LRRFIP1: variants seen among roughly 807,000 people sequenced by gnomAD.
LRRFIP1 encodes LRR binding FLII interacting protein 1.
Under a neutral mutation model 104.4 loss-of-function variants are expected in LRRFIP1, and 62 were observed. The observed-to-expected ratio is 0.59, with a 90% CI of 0.48 to 0.73. The LOEUF (loss-of-function observed/expected upper bound fraction) is 0.73, where lower values mean the gene tolerates loss of function less well. LRRFIP1 is among the 30% of genes least tolerant of loss of function. The pLI is 0.00. For synonymous variants in LRRFIP1, 300 were observed against 299.0 expected, an observed-to-expected ratio of 1.00 and a Z score of -0.03; for missense variants, 796 against 824.5, an observed-to-expected ratio of 0.97 and a Z score of 0.42.
At position 237,689,051 on chromosome 2, in the gene LRRFIP1, GA is replaced by G. The variant is rs60153114; in HGVS notation, c.97-19479del. Among the ~76,000 whole-genome samples the G allele has an allele frequency of 7.3e-3, 953 of 130,350 alleles. 15 individuals carry two copies. The highest frequency in any genetic ancestry group is 0.062 in the East Asian group (269 of 4,308). The allele number at this position is 130,350 out of a possible 152,430, so 85.5% of individuals were successfully genotyped here. ...CTCACAATTGACCTTGCTCTACGTT[GA>G]AAAAAAAAAAAAAGACTGGGGGTGG... On this transcript the variant is annotated intron_variant, in intron 1 of 23. Transcript: ENST00000308482.
intron 16 of LRRFIP1, among the ~76,000 whole-genome samples, chr2:237,756,838 G>A (rs1164636541): frequency 6.6e-6 from 1 of 152,226 alleles, no homozygotes; most frequent in African/African-American, 2.4e-5. Flanking sequence ...GGCCCCTGCA[G>A]TTGTGATGAG....
rs368092837 is a variant in LRRFIP1 at position 237,760,225 on chromosome 2, C to A, written c.1459+20C>A. The stretch of plus-strand genomic sequence containing the variant: ...CCCTAGGTAAGTATTTGCTTTCCTT[C>A]GGCTCCTCACACCTTTCCACTCAGC... On this transcript the variant is annotated intron_variant, in intron 19 of 23. Coordinates refer to ENST00000308482, the MANE Select transcript of LRRFIP1 (RefSeq NM_001137550.2). 15 of 1,612,898 alleles carry A rather than the reference C, an allele frequency of 9.3e-6. No homozygotes were observed. In the African/African-American group the frequency reaches 1.9e-4, roughly 20 times the overall value.
chr2:237,735,197 G>A lies in LRRFIP1; in HGVS notation c.490-71G>A, dbSNP rs56245924. The A allele has an allele frequency of 0.02, 27,057 of 1,352,800 alleles. 323 individuals are homozygous for A. The highest frequency in any genetic ancestry group is 0.023 in the Non-Finnish European group (22,027 of 965,626). The allele number at this position is 1,352,800 out of a possible 1,614,324, so 83.8% of individuals were successfully genotyped here. ...CACGTGTCAGTTTTTCACAGCTCAC[G>A]TTTTCAGCACTTTCTGGGCACTCTT... is the stretch of plus-strand genomic sequence containing the variant. On this transcript the variant is annotated intron_variant, in intron 9 of 23. Transcript: ENST00000308482. This position sits in a 1 kb window ranked among gnomAD's most constrained non-coding sequence, Gnocchi z 4.6.
chr2:237,663,715 A>G (rs954598437), intron 1 of LRRFIP1, among the ~76,000 whole-genome samples: 1 of 152,214 alleles, frequency 6.6e-6, no homozygotes, highest in Non-Finnish European at 1.5e-5. Flanking sequence ...TTGCGTTATC[A>G]CTCACAGACA....
At chr2:237,776,454 C>CTTG (rs1379607445) in intron 23 of LRRFIP1, among the ~76,000 whole-genome samples, 1 of 152,210 alleles carries the variant, frequency 6.6e-6, no homozygotes, top group African/African-American at 2.4e-5. Context: ...ACTGATCAAA[C>CTTG]TTGTGAAGTG....
chr2:237,750,308 C>CTT (rs2058425034), intron 13 of LRRFIP1, among the ~76,000 whole-genome samples: 1 of 113,334 alleles, frequency 8.8e-6, no homozygotes. Context: ...TTTCCTTTTT[C>CTT]TTTTCTTTTC....
At chr2:237,741,514 C>T (rs1559748857) in intron 11 of LRRFIP1, among the ~76,000 whole-genome samples, 1 of 152,204 alleles carries the variant, frequency 6.6e-6, no homozygotes, top group Non-Finnish European at 1.5e-5. Context: ...TGTCTTCTCA[C>T]ACTCACTTTT....
At chr2:237,660,916 C>T (rs909933752) in intron 1 of LRRFIP1, among the ~76,000 whole-genome samples, 3 of 152,160 alleles carry the variant, frequency 2.0e-5, no homozygotes, top group African/African-American at 4.8e-5. Flanking sequence ...TATACAGCGT[C>T]GGGACACCTG....
chr2:237,700,772 G>A (rs899101739), intron 1 of LRRFIP1, among the ~76,000 whole-genome samples: 2 of 152,172 alleles, frequency 1.3e-5, no homozygotes, highest in African/African-American at 4.8e-5. Context: ...CTGCACATGA[G>A]CTGTATGCCC....
At chr2:237,770,066 C>G in intron 20 of LRRFIP1, 74 bp downstream of exon 20, 1 of 1,245,220 alleles carries the variant, frequency 8.0e-7, no homozygotes, top group South Asian at 1.3e-5. Flanking sequence ...TTCCTTCTTG[C>G]TTACTCAGAA....
intron 1 of LRRFIP1, among the ~76,000 whole-genome samples, chr2:237,650,973 T>G (rs1559472135): frequency 6.6e-6 from 1 of 152,172 alleles, no homozygotes; most frequent in Non-Finnish European, 1.5e-5. Context: ...GAAATGCGTA[T>G]CGGGTCACTC....
chr2:237,649,293 G>C lies in LRRFIP1; in HGVS notation c.96+21553G>C, dbSNP rs1416083749. ...ACCTGTAATCCCAGCACTTTGGGAG[G>C]CCAGGGCGGGCAGATAACTTGAGGT... is the stretch of plus-strand genomic sequence containing the variant. On this transcript the variant is annotated intron_variant, in intron 1 of 23. Coordinates refer to ENST00000308482, the MANE Select transcript of LRRFIP1 (RefSeq NM_001137550.2). This position sits in a 1 kb window ranked among gnomAD's most constrained non-coding sequence, Gnocchi z 4.1. Among the ~76,000 whole-genome samples, 1 of 151,990 alleles carries C rather than the reference G, an allele frequency of 6.6e-6. No individual in the cohort carries two copies. Among genetic ancestry groups the C allele is most frequent in the Non-Finnish European group, 1.5e-5 (1 of 67,940 alleles).
chr2:237,721,616 G>T (rs2094538339), intron 6 of LRRFIP1: 1 of 152,152 alleles, frequency 6.6e-6, no homozygotes, highest in Admixed American at 6.5e-5. Context: ...AATCCTTAGG[G>T]ACCACATAGA....
rs201955999 is a variant in LRRFIP1, at chr2:237,764,180, G to A, written c.1459+3975G>A. On this transcript the variant is annotated intron_variant, in intron 19 of 23. Transcript: ENST00000308482. Reference sequence around the variant, plus strand: ...CAGGCGCGGTGCACAGGAAGTCTCAGTGTGAAGGGGTCTTTTCTCTCCACT... The same window carrying A: ...CAGGCGCGGTGCACAGGAAGTCTCAATGTGAAGGGGTCTTTTCTCTCCACT... The A allele has an allele frequency of 3.1e-5, 50 of 1,614,046 alleles. No individual in the cohort carries two copies. The East Asian group carries it at 1.0e-3, about 34-fold the overall frequency.
In LRRFIP1 at chr2:237,760,128, A is replaced by G; in HGVS notation, c.1382A>G (p.Asn461Ser). The change falls in exon 19 of 24, where the codon AAT (asparagine) becomes AGT (serine). Residue 461 changes from asparagine to serine, a missense_variant. Physicochemically the swap from Asn to Ser is conservative, Grantham distance 46. Coordinates refer to ENST00000308482, the MANE Select transcript of LRRFIP1 (RefSeq NM_001137550.2). ...GGAGAGACTTCCGACACCCTCAATAATGTTGGATACCAAGGTCCTACCAAG... is the reference window on the plus strand; with the variant it reads ...GGAGAGACTTCCGACACCCTCAATAGTGTTGGATACCAAGGTCCTACCAAG... ...TNGETSDTLN[N>S]VGYQGPTKMT... 6.2e-7 allele frequency: 1 copy of G among 1,613,838 alleles called. No individual in the cohort carries two copies. The highest frequency in any genetic ancestry group is 8.5e-7 in the Non-Finnish European group (1 of 1,179,722).
At chr2:237,760,940 T>A (rs2059793569) in intron 19 of LRRFIP1, among the ~76,000 whole-genome samples, 1 of 152,234 alleles carries the variant, frequency 6.6e-6, no homozygotes, top group Non-Finnish European at 1.5e-5. Flanking sequence ...TCATAAGAGT[T>A]GGCTTTGGGA....
intron 20 of LRRFIP1, 103 bp downstream of exon 20, chr2:237,770,095 G>A (rs1237596003): frequency 4.5e-6 from 4 of 886,730 alleles, no homozygotes; most frequent in Non-Finnish European, 7.3e-6. Context: ...AGTTAATCAT[G>A]TCTGAAAGTC....
chr2:237,648,663 G>T (rs2085378135), intron 1 of LRRFIP1, among the ~76,000 whole-genome samples: 1 of 151,470 alleles, frequency 6.6e-6, no homozygotes, highest in Non-Finnish European at 1.5e-5. Context: ...TGTCTCTCTT[G>T]CCTGTGATGA....
chr2:237,642,096 A>G (rs1010234939), intron 1 of LRRFIP1, among the ~76,000 whole-genome samples: 2 of 152,364 alleles, frequency 1.3e-5, no homozygotes, highest in South Asian at 2.1e-4. Flanking sequence ...AGCGACAAGC[A>G]TCTCTGAGTC....
Sources: gnomAD v4.1 joint callset for allele counts (sites outside exome capture counted in the v4.1 genomes callset) on GRCh38, gnomAD v4.1.1 for gene constraint, Gnocchi (gnomAD v3.1) non-coding constraint, MANE v1.5 for transcripts, NCBI Gene and HGNC (gene_info 2026-07-23, HGNC 2026-07-21) for gene names.